The following GRID2 variants were observed in gnomAD, a reference collection of about 807,000 sequenced individuals.
The protein encoded by GRID2 is glutamate ionotropic receptor delta type subunit 2.
In GRID2, 33 loss-of-function variants were observed where a neutral mutation model predicts 114.8. That is an observed-to-expected ratio of 0.29 (90% confidence interval 0.22 to 0.38). The LOEUF (loss-of-function observed/expected upper bound fraction) is 0.38, where lower values mean the gene tolerates loss of function less well. GRID2 is among the 10% of genes least tolerant of loss of function. The probability of loss-of-function intolerance (pLI) is 1.00; values close to 1 mark genes in which losing one functional copy is unlikely to be tolerated. For synonymous variants in GRID2, 505 were observed against 449.9 expected (o/e 1.12, Z -1.55); for missense variants, 1,184 against 1,257.7 (o/e 0.94, Z 0.89).
chr4:92,391,903 C>G (rs1235721445), intron 1 of GRID2, among the ~76,000 whole-genome samples: 1 of 152,210 alleles, frequency 6.6e-6, no homozygotes. Context: ...GACTCCCACA[C>G]TGGTGTCTGC....
Position 92,442,851 on chromosome 4 carries a change from G to A in GRID2, c.88+138107G>A, listed in dbSNP as rs544485687. Among the ~76,000 whole-genome samples, 1,431 of 152,244 alleles carry A rather than the reference G, an allele frequency of 9.4e-3. 18 individuals carry two copies. Among genetic ancestry groups the A allele is most frequent in the Middle Eastern group, 0.054 (16 of 294 alleles). ...AACCTTGACTATGCCTTTAGCTCCA[G>A]CCACCTTTTTAAGAGTAAATTGTTG... On this transcript the variant is annotated intron_variant, in intron 1 of 15. Coordinates refer to ENST00000282020, the MANE Select transcript of GRID2 (RefSeq NM_001510.4).
At chr4:93,397,448 C>T (rs541046914) in intron 9 of GRID2, among the ~76,000 whole-genome samples, 36 of 151,226 alleles carry the variant, frequency 2.4e-4, no homozygotes, top group Admixed American at 8.0e-4. Flanking sequence ...CAGTGAAAGA[C>T]GGTATATGTG....
At chr4:93,186,753 G>A (rs556681601) in intron 4 of GRID2, among the ~76,000 whole-genome samples, 3 of 152,222 alleles carry the variant, frequency 2.0e-5, no homozygotes, top group Admixed American at 6.5e-5. Flanking sequence ...CTCACATGAA[G>A]TTACCCTTAC....
chr4:92,508,075 G>A (rs930905324), intron 1 of GRID2, among the ~76,000 whole-genome samples: 2 of 151,842 alleles, frequency 1.3e-5, no homozygotes, highest in Non-Finnish European at 2.9e-5. Context: ...TTTACTGGAA[G>A]GTCCTTATGT....
At chr4:93,479,284 C>T (rs72886238) in intron 11 of GRID2, among the ~76,000 whole-genome samples, 33,946 of 151,782 alleles carry the variant, frequency 0.22, 3,962 homozygotes, top group Middle Eastern at 0.37. Flanking sequence ...CTTTGCAACA[C>T]GGGGTTACCA....
intron 2 of GRID2, among the ~76,000 whole-genome samples, chr4:92,953,339 G>T (rs1414850197): frequency 6.6e-6 from 1 of 152,046 alleles, no homozygotes; most frequent in South Asian, 2.1e-4. Flanking sequence ...TCATTATAAA[G>T]ATTACATTCA....
chr4:93,709,781 T>G (rs1331824516), intron 14 of GRID2, among the ~76,000 whole-genome samples: 1 of 152,178 alleles, frequency 6.6e-6, no homozygotes, highest in Non-Finnish European at 1.5e-5. Context: ...CTTTTATCTC[T>G]TCTGACTGTA....
chr4:92,604,521 A>G (rs1036896788), intron 2 of GRID2, among the ~76,000 whole-genome samples: 3 of 150,250 alleles, frequency 2.0e-5, no homozygotes, highest in Non-Finnish European at 3.0e-5. Flanking sequence ...GGGAACAGGG[A>G]GGGGACTTTT....
At chr4:93,261,085 A>G (rs1187044261) in intron 8 of GRID2, among the ~76,000 whole-genome samples, 2 of 151,828 alleles carry the variant, frequency 1.3e-5, no homozygotes, top group Non-Finnish European at 2.9e-5. Flanking sequence ...TAGTATACCT[A>G]TAATGAATCA....
intron 2 of GRID2, among the ~76,000 whole-genome samples, chr4:92,846,861 G>A (rs1465614945): frequency 1.3e-5 from 2 of 152,084 alleles, no homozygotes; most frequent in East Asian, 1.9e-4. Flanking sequence ...AGATGTAGGC[G>A]CTATGCTATT....
intron 13 of GRID2, among the ~76,000 whole-genome samples, chr4:93,586,164 A>G (rs1232266594): frequency 6.6e-6 from 1 of 152,082 alleles, no homozygotes; most frequent in African/African-American, 2.4e-5. Context: ...TTCCAAACTA[A>G]TCATATCATC....
chr4:92,790,572 C>G (rs761254450), intron 2 of GRID2, among the ~76,000 whole-genome samples: 14 of 151,514 alleles, frequency 9.2e-5, no homozygotes, highest in Non-Finnish European at 1.5e-4. Flanking sequence ...TGCACCACCA[C>G]GCCCAGCTAA....
intron 1 of GRID2, among the ~76,000 whole-genome samples, chr4:92,379,644 C>T (rs1729519365): frequency 1.3e-5 from 2 of 151,808 alleles, no homozygotes; most frequent in African/African-American, 2.4e-5. Context: ...ATATTAAATA[C>T]AGGCTCTGAA....
intron 4 of GRID2, among the ~76,000 whole-genome samples, chr4:93,207,006 A>G (rs183478597): frequency 2.6e-4 from 40 of 152,218 alleles, no homozygotes; most frequent in Admixed American, 2.3e-3. Flanking sequence ...TGTAGAAGCT[A>G]TGTACTTTGA....
chr4:93,536,013 T>A (rs1732029632), intron 13 of GRID2, among the ~76,000 whole-genome samples: 1 of 151,932 alleles, frequency 6.6e-6, no homozygotes, highest in Non-Finnish European at 1.5e-5. Flanking sequence ...GAGTAACATA[T>A]CTATACAAAG....
At chr4:92,415,780 A>C (rs949204061) in intron 1 of GRID2, among the ~76,000 whole-genome samples, 3 of 115,084 alleles carry the variant, frequency 2.6e-5, no homozygotes, top group African/African-American at 1.0e-4. Context: ...ATATATATAT[A>C]TCACATTTTC....
chr4:92,854,179 AC>A (rs1209876187), intron 2 of GRID2, among the ~76,000 whole-genome samples: 3 of 151,876 alleles, frequency 2.0e-5, no homozygotes, highest in African/African-American at 7.3e-5. Context: ...ATATGCAAAA[AC>A]TCAAATTTGA....
chr4:93,327,152 A>G (rs559454061), intron 8 of GRID2, among the ~76,000 whole-genome samples: 30 of 152,196 alleles, frequency 2.0e-4, no homozygotes, highest in African/African-American at 6.0e-4. Context: ...GGTTTTTTAA[A>G]TGTCATCTTT....
intron 8 of GRID2, among the ~76,000 whole-genome samples, chr4:93,333,022 G>T (rs1413883870): frequency 1.3e-5 from 2 of 152,062 alleles, no homozygotes; most frequent in Admixed American, 6.6e-5. Context: ...CATTCATCAT[G>T]TATTTGATGA....
Sources: gnomAD v4.1 joint callset for allele counts (sites outside exome capture counted in the v4.1 genomes callset) on GRCh38, gnomAD v4.1.1 for gene constraint, MANE v1.5 for transcripts, NCBI Gene and HGNC (gene_info 2026-07-23, HGNC 2026-07-21) for gene names.